The following SAMD8 variants were observed in gnomAD, a reference collection of about 807,000 sequenced individuals.
SAMD8 encodes the protein sphingomyelin synthase-related protein 1.
Under a neutral mutation model 42.0 loss-of-function variants are expected in SAMD8, and 20 were observed. The ratio of observed to expected loss-of-function variants is 0.48; its 90% CI spans 0.34 to 0.69. The LOEUF is 0.69. Ranked by LOEUF, SAMD8 falls within the 30% of genes least tolerant of loss-of-function variation. The probability of loss-of-function intolerance (pLI) is 0.01; values close to 1 mark genes in which losing one functional copy is unlikely to be tolerated. For missense variants in SAMD8, 328 were observed against 511.6 expected, an observed-to-expected ratio of 0.64 and a Z score of 3.46; for synonymous variants, 162 against 173.0, an observed-to-expected ratio of 0.94 and a Z score of 0.50.
chr10:75,112,951 A>T (rs1848806946), intron 1 of SAMD8, among the ~76,000 whole-genome samples: 1 of 152,194 alleles, frequency 6.6e-6, no homozygotes, highest in African/African-American at 2.4e-5. Flanking sequence ...TCTTCCTCTC[A>T]CTGATAACCC....
At position 75,142,775 on chromosome 10, in the gene SAMD8, C is replaced by G. The variant is rs118177373; in HGVS notation, c.-15-7739C>G. ...AAACTTAAGGCCGGGTGCAGTGCCT[C>G]CCATCACTTTGGGAGGCCGAGGCAG... On this transcript the variant is annotated intron_variant, in intron 1 of 5. Coordinates refer to ENST00000542569, the MANE Select transcript of SAMD8 (RefSeq NM_001174156.2). Among the ~76,000 whole-genome samples the G allele has an allele frequency of 1.3e-3, 193 of 152,232 alleles. 2 individuals carry two copies. The East Asian group carries it at 0.034, about 27-fold the overall frequency.
At chr10:75,144,949 AATTGTTTCT>A (rs1381150746) in intron 1 of SAMD8, among the ~76,000 whole-genome samples, 2 of 152,138 alleles carry the variant, frequency 1.3e-5, no homozygotes, top group Non-Finnish European at 2.9e-5. Context: ...AGCGCCCTTG[AATTGTTTCT>A]ATTGTTACTT....
intron 2 of SAMD8, among the ~76,000 whole-genome samples, chr10:75,152,073 G>T (rs1840302885): frequency 6.7e-6 from 1 of 149,518 alleles, no homozygotes; most frequent in Non-Finnish European, 1.5e-5. Flanking sequence ...TTTTTTAAAT[G>T]AAGAATAGGG....
chr10:75,174,193 G>C (rs963848165), intron 4 of SAMD8, among the ~76,000 whole-genome samples: 1 of 152,064 alleles, frequency 6.6e-6, no homozygotes, highest in African/African-American at 2.4e-5. Flanking sequence ...GCAGTGGCGC[G>C]ATCTCTGTTC....
At chr10:75,106,096 CTTTTCTTTTT>C (rs1376850075) in intron 1 of SAMD8, among the ~76,000 whole-genome samples, 1 of 109,040 alleles carries the variant, frequency 9.2e-6, no homozygotes, top group East Asian at 5.6e-4. Context: ...TCTTTTCTTT[CTTTTCTTTTT>C]TTTTTTTTTT....
chr10:75,127,175 G>A (rs1284291540), intron 1 of SAMD8, among the ~76,000 whole-genome samples: 8 of 133,100 alleles, frequency 6.0e-5, no homozygotes, highest in Admixed American at 1.6e-4. Flanking sequence ...GGCACAGAGC[G>A]AGACTCTGTC....
At chr10:75,124,353 C>T (rs1054572888) in intron 1 of SAMD8, among the ~76,000 whole-genome samples, 1 of 152,092 alleles carries the variant, frequency 6.6e-6, no homozygotes, top group African/African-American at 2.4e-5. Context: ...TGGCTCATGC[C>T]TGTAATCCCA....
upstream of SAMD8, chr10:75,111,621 G>A (rs1250381771): frequency 4.0e-6 from 5 of 1,247,998 alleles, no homozygotes; most frequent in Non-Finnish European, 5.0e-6. Flanking sequence ...CCCGCCGCTT[G>A]AGGCGCTTCA....
chr10:75,108,283 G>A (rs879416863), upstream of SAMD8: 1 of 1,517,362 alleles, frequency 6.6e-7, no homozygotes, highest in Non-Finnish European at 8.8e-7. Flanking sequence ...CTGGCCCCCT[G>A]CTGCAGAGGG....
intron 2 of SAMD8, among the ~76,000 whole-genome samples, chr10:75,157,586 A>C (rs1424634203): frequency 6.6e-6 from 1 of 152,124 alleles, no homozygotes. Flanking sequence ...AGGAGGATGG[A>C]GGCTTGAGGA....
Position 75,176,364 on chromosome 10 carries a change from A to G in SAMD8, c.944-24A>G. 1 of 1,574,396 alleles carries G rather than the reference A, an allele frequency of 6.4e-7. No individual in the cohort carries two copies. The highest frequency in any genetic ancestry group is 8.6e-7 in the Non-Finnish European group (1 of 1,161,248). On this transcript the variant is annotated intron_variant, in intron 5 of 5. Coordinates refer to ENST00000542569, the MANE Select transcript of SAMD8 (RefSeq NM_001174156.2). The surrounding 1 kb of genome is among the most constrained non-coding windows in gnomAD (Gnocchi z 4.3). ...GCATTGGAAGGAATGTAGCTTTAAAATGATCTTTCTGTCCTTTTCCTAGAT... is the reference window on the plus strand; with the variant it reads ...GCATTGGAAGGAATGTAGCTTTAAAGTGATCTTTCTGTCCTTTTCCTAGAT...
chr10:75,161,563 AG>A (rs1840558854), intron 2 of SAMD8, among the ~76,000 whole-genome samples: 1 of 152,142 alleles, frequency 6.6e-6, no homozygotes, highest in Admixed American at 6.6e-5. Context: ...GAAAAAAAAA[AG>A]TAAATTGGAA....
At chr10:75,161,803 G>A (rs1439745743) in intron 2 of SAMD8, among the ~76,000 whole-genome samples, 3 of 151,784 alleles carry the variant, frequency 2.0e-5, no homozygotes, top group Non-Finnish European at 4.4e-5. Flanking sequence ...TTGGGAGGCC[G>A]AGGTGGCCAG....
In SAMD8 at chr10:75,115,764, C is replaced by T. The variant is rs560174137; in HGVS notation, c.-16+4042C>T. On this transcript the variant is annotated intron_variant, in intron 1 of 5. Transcript: ENST00000542569. ...GACCATCCTGGCGAACACGGTGAAA[C>T]CCCGTCTCTACTAAAAATACAAAAA... Among the ~76,000 whole-genome samples, 3 of 152,074 alleles carry T rather than the reference C, an allele frequency of 2.0e-5. No individual in the cohort carries two copies. The East Asian group carries it at 5.8e-4, about 29-fold the overall frequency.
chr10:75,173,930 A>G (rs373496877), intron 4 of SAMD8, among the ~76,000 whole-genome samples: 1 of 152,232 alleles, frequency 6.6e-6, no homozygotes, highest in Non-Finnish European at 1.5e-5. Flanking sequence ...TCATCTGCAC[A>G]ATTAAATCAC....
At chr10:75,140,676 C>T (rs149992115) in intron 1 of SAMD8, among the ~76,000 whole-genome samples, 4 of 152,166 alleles carry the variant, frequency 2.6e-5, no homozygotes, top group African/African-American at 4.8e-5. Flanking sequence ...TTCGAGTGGT[C>T]GGTAAGCTTA....
chr10:75,112,679 C>T lies in SAMD8; in HGVS notation c.-16+957C>T, dbSNP rs547917219. On this transcript the variant is annotated intron_variant, in intron 1 of 5. Transcript: ENST00000542569. The stretch of plus-strand genomic sequence containing the variant: ...TTCGTAGCTAAGTTTAAATACCAGA[C>T]ATGTTAAGATCCTAAAAATTTACTA... 2.6e-5 allele frequency among the ~76,000 whole-genome samples: 4 copies of T among 152,232 alleles called. No individual in the cohort carries two copies. The South Asian group carries it at 8.3e-4, about 32-fold the overall frequency.
intron 1 of SAMD8, among the ~76,000 whole-genome samples, chr10:75,112,472 G>T (rs543785454): frequency 3.3e-4 from 50 of 152,278 alleles, no homozygotes; most frequent in Non-Finnish European, 6.2e-4. Flanking sequence ...CGTGCACAGT[G>T]GATCATTTTA....
upstream of SAMD8, chr10:75,111,639 G>A: frequency 8.0e-7 from 1 of 1,245,560 alleles, no homozygotes. Flanking sequence ...TCACTCCGGC[G>A]AGGCGGGGAG....
Sources: allele counts gnomAD v4.1 joint callset (sites outside exome capture counted in the v4.1 genomes callset), GRCh38; gene constraint gnomAD v4.1.1; non-coding constraint Gnocchi (gnomAD v3.1); transcripts MANE v1.5; gene names NCBI Gene and HGNC (gene_info 2026-07-23, HGNC 2026-07-21).